Variants in SLC24A2 observed in about 807,000 individuals in gnomAD.
SLC24A2 encodes the protein sodium/potassium/calcium exchanger 2.
In SLC24A2, 36 loss-of-function variants were observed where a neutral mutation model predicts 62.0. That is an observed-to-expected ratio of 0.58 (90% CI 0.44 to 0.77). The LOEUF (loss-of-function observed/expected upper bound fraction) is 0.77, where lower values mean the gene tolerates loss of function less well. SLC24A2 is among the 30% of genes least tolerant of loss of function. The pLI is 0.00. For synonymous variants in SLC24A2, 358 were observed against 294.0 expected (o/e 1.22, Z -2.23); for missense variants, 846 against 817.9 (o/e 1.03, Z -0.42).
At chr9:20,015,441 T>C in the SLC24A2 span, among the ~76,000 whole-genome samples, 13 of 152,132 alleles carry the variant, frequency 8.5e-5, no homozygotes, top group Non-Finnish European at 1.5e-4. Flanking sequence ...GATTGTTGAG[T>C]TGTGTAAAAT....
the SLC24A2 span, among the ~76,000 whole-genome samples, chr9:19,952,849 CTTT>C: frequency 1.3e-5 from 2 of 151,832 alleles, no homozygotes; most frequent in Non-Finnish European, 3.0e-5. Context: ...GTTTGGTAAA[CTTT>C]TACTCATGAA....
chr9:19,631,637 T>A (rs1421336451), intron 2 of SLC24A2, among the ~76,000 whole-genome samples: 2 of 152,132 alleles, frequency 1.3e-5, no homozygotes, highest in Non-Finnish European at 2.9e-5. Flanking sequence ...CTGCTGGCCA[T>A]AAGCGGTGAG....
the SLC24A2 span, among the ~76,000 whole-genome samples, chr9:20,145,774 A>G: frequency 1.3e-5 from 2 of 152,016 alleles, no homozygotes; most frequent in Admixed American, 1.3e-4. Flanking sequence ...TTGATATACA[A>G]GCACATATAT....
chr9:19,837,776 A>C, the SLC24A2 span, among the ~76,000 whole-genome samples: 1 of 152,076 alleles, frequency 6.6e-6, no homozygotes, highest in Non-Finnish European at 1.5e-5. Context: ...TACCAATAAC[A>C]GACAAACAGA....
At chr9:20,098,001 C>G in the SLC24A2 span, among the ~76,000 whole-genome samples, 1 of 150,598 alleles carries the variant, frequency 6.6e-6, no homozygotes, top group Non-Finnish European at 1.5e-5. Flanking sequence ...CTCGGCCTCC[C>G]AAAGTGCTGG....
the SLC24A2 span, among the ~76,000 whole-genome samples, chr9:20,215,198 T>C: frequency 6.6e-6 from 1 of 152,214 alleles, no homozygotes; most frequent in Non-Finnish European, 1.5e-5. Context: ...TAGCTAGCTC[T>C]CTTGGGTCTC....
At chr9:20,077,513 G>A in the SLC24A2 span, among the ~76,000 whole-genome samples, 1 of 152,136 alleles carries the variant, frequency 6.6e-6, no homozygotes, top group Middle Eastern at 3.2e-3. Flanking sequence ...GCTCTACAGT[G>A]TGGGGCCCCT....
the SLC24A2 span, among the ~76,000 whole-genome samples, chr9:19,970,159 G>A: frequency 1.3e-5 from 2 of 152,268 alleles, no homozygotes; most frequent in African/African-American, 4.8e-5. Flanking sequence ...CCACAGATAT[G>A]ACCAGGTAGC....
chr9:19,518,425 C>CTTTTTT (rs59805848), intron 10 of SLC24A2, among the ~76,000 whole-genome samples: 3 of 141,260 alleles, frequency 2.1e-5, no homozygotes, highest in African/African-American at 5.2e-5. Flanking sequence ...CTTTTCTTTT[C>CTTTTTT]TTTTTTTTTT....
At chr9:19,683,767 T>C (rs1018574740) in intron 2 of SLC24A2, among the ~76,000 whole-genome samples, 10 of 152,112 alleles carry the variant, frequency 6.6e-5, no homozygotes, top group African/African-American at 2.2e-4. Context: ...TTTCTTGTGC[T>C]GAGATGGGAG....
the SLC24A2 span, among the ~76,000 whole-genome samples, chr9:19,843,868 T>C: frequency 6.6e-5 from 10 of 152,214 alleles, no homozygotes; most frequent in Admixed American, 5.2e-4. Context: ...TTCTATTTTA[T>C]GGCTGCGAAG....
chr9:20,078,132 G>T, the SLC24A2 span, among the ~76,000 whole-genome samples: 1 of 152,086 alleles, frequency 6.6e-6, no homozygotes, highest in Admixed American at 6.6e-5. Context: ...TAACCTATAG[G>T]CTGCCCCTTT....
At chr9:19,832,898 A>C in the SLC24A2 span, among the ~76,000 whole-genome samples, 1 of 152,308 alleles carries the variant, frequency 6.6e-6, no homozygotes, top group South Asian at 2.1e-4. Context: ...TTACAAGAAA[A>C]AAACAAACAA....
At chr9:20,251,974 T>C in the SLC24A2 span, among the ~76,000 whole-genome samples, 1 of 152,210 alleles carries the variant, frequency 6.6e-6, no homozygotes, top group East Asian at 1.9e-4. Context: ...TAAGCCAGAC[T>C]TTGCCACATG....
At chr9:20,125,797 C>T in the SLC24A2 span, among the ~76,000 whole-genome samples, 1 of 152,158 alleles carries the variant, frequency 6.6e-6, no homozygotes, top group East Asian at 1.9e-4. Context: ...TTAAAAGCTC[C>T]CTCCATGGGT....
chr9:20,166,205 G>A, the SLC24A2 span, among the ~76,000 whole-genome samples: 2 of 151,850 alleles, frequency 1.3e-5, no homozygotes, highest in Non-Finnish European at 2.9e-5. Flanking sequence ...CTTCTATAAA[G>A]GGGAATTTAG....
chr9:19,693,446 G>T (rs923832244), intron 2 of SLC24A2, among the ~76,000 whole-genome samples: 2 of 152,094 alleles, frequency 1.3e-5, no homozygotes, highest in Non-Finnish European at 2.9e-5. Context: ...TTTTGCTACA[G>T]GAAGTAATGA....
At chr9:19,697,879 T>C (rs1460595682) in intron 2 of SLC24A2, among the ~76,000 whole-genome samples, 1 of 152,180 alleles carries the variant, frequency 6.6e-6, no homozygotes, top group Non-Finnish European at 1.5e-5. Flanking sequence ...ATTTCTAATT[T>C]AATCATTCCT....
chr9:19,533,077 C>T (rs1833782568), intron 8 of SLC24A2, among the ~76,000 whole-genome samples: 1 of 152,068 alleles, frequency 6.6e-6, no homozygotes, highest in African/African-American at 2.4e-5. Context: ...ATGCATGGTT[C>T]AACAAACACT....
Sources: gnomAD v4.1 joint callset for allele counts (sites outside exome capture counted in the v4.1 genomes callset) on GRCh38, gnomAD v4.1.1 for gene constraint, MANE v1.5 for transcripts, NCBI Gene and HGNC (gene_info 2026-07-23, HGNC 2026-07-21) for gene names.